Variants in ATAD2B observed in about 807,000 individuals in gnomAD.
The protein encoded by ATAD2B is ATPase family AAA domain containing 2B.
In ATAD2B, 40 loss-of-function variants were observed where a neutral mutation model predicts 167.6. The ratio of observed to expected loss-of-function variants is 0.24; its 90% CI spans 0.19 to 0.31. The LOEUF is 0.31. Ranked by LOEUF, ATAD2B falls within the 10% of genes least tolerant of loss-of-function variation. ATAD2B has a pLI of 1.00. For synonymous variants in ATAD2B, 579 were observed against 596.5 expected (o/e 0.97, Z 0.43); for missense variants, 1,242 against 1,757.2 (o/e 0.71, Z 5.24).
intron 18 of ATAD2B, among the ~76,000 whole-genome samples, chr2:23,798,646 C>T (rs2149462841): frequency 6.6e-6 from 1 of 151,992 alleles, no homozygotes; most frequent in Non-Finnish European, 1.5e-5. Flanking sequence ...AGCAAAACAC[C>T]ACTGTAAAAT....
At chr2:23,790,381 G>A (rs555073712) in intron 19 of ATAD2B, among the ~76,000 whole-genome samples, 45 of 152,258 alleles carry the variant, frequency 3.0e-4, no homozygotes, top group Admixed American at 1.4e-3. Flanking sequence ...TGAAAAATAA[G>A]TAGAACTTAA....
At position 23,911,772 on chromosome 2, in the gene ATAD2B, C is replaced by T. The variant is rs184747138; in HGVS notation, c.216+14783G>A. Among the ~76,000 whole-genome samples, 68 of 152,100 alleles carry T rather than the reference C, an allele frequency of 4.5e-4. No homozygotes were observed. In the Middle Eastern group the frequency reaches 0.02, roughly 46 times the overall value. On this transcript the variant is annotated intron_variant, in intron 1 of 27. Coordinates refer to ENST00000238789, the MANE Select transcript of ATAD2B (RefSeq NM_017552.4). ...GGTGGATCACCTGAAGTCAGGAGTT[C>T]GAGAGCAGCCTGGCCAACATGGTGA...
chr2:23,693,347 T>C, the ATAD2B span: 2 of 1,551,582 alleles, frequency 1.3e-6, no homozygotes, highest in South Asian at 1.2e-5. Flanking sequence ...CTCTACCACA[T>C]GGCCAAGGCC....
chr2:23,909,501 T>C (rs963757982), intron 1 of ATAD2B, among the ~76,000 whole-genome samples: 4 of 151,682 alleles, frequency 2.6e-5, no homozygotes, highest in Non-Finnish European at 4.4e-5. Context: ...TACATATATA[T>C]TATACATACA....
At position 23,752,799 on chromosome 2, in the gene ATAD2B, T is replaced by TAA. The variant is rs1332559601; in HGVS notation, c.4336-713_4336-712insTT. On this transcript the variant is annotated intron_variant, in intron 27 of 27. Transcript: ENST00000238789. ...CACTTCTATTCACTCCAACCAGAGC[T>TAA]GAAAAGACAGGGTTAAAAAAGAGCC... Among the ~76,000 whole-genome samples, 3 of 152,184 alleles carry TAA rather than the reference T, an allele frequency of 2.0e-5. No homozygotes were observed. In the East Asian group the frequency reaches 5.8e-4, roughly 29 times the overall value.
At chr2:23,717,025 A>G in the ATAD2B span, among the ~76,000 whole-genome samples, 1 of 152,246 alleles carries the variant, frequency 6.6e-6, no homozygotes, top group Admixed American at 6.5e-5. Flanking sequence ...GTGGCCACAC[A>G]GTGTTTTTAA....
intron 23 of ATAD2B, among the ~76,000 whole-genome samples, chr2:23,764,114 C>A (rs905842982): frequency 2.0e-5 from 3 of 152,104 alleles, no homozygotes; most frequent in African/African-American, 7.2e-5. Context: ...TGGGTAGATT[C>A]CTAAGAGTAG....
the ATAD2B span, among the ~76,000 whole-genome samples, chr2:23,726,322 T>C: frequency 1.3e-5 from 2 of 152,258 alleles, no homozygotes; most frequent in Non-Finnish European, 2.9e-5. Context: ...TAACTACTAA[T>C]AGCCTGCTGT....
chr2:23,757,978 G>T lies in ATAD2B; in HGVS notation c.3518C>A (p.Thr1173Lys). The T allele has an allele frequency of 6.2e-7, 1 of 1,613,252 alleles. No individual in the cohort carries two copies. Among genetic ancestry groups the T allele is most frequent in the Non-Finnish European group, 8.5e-7 (1 of 1,179,560 alleles). The change falls in exon 25 of 28, where the codon ACG (threonine) becomes AAG (lysine). Residue 1173 changes from threonine to lysine, a missense_variant. Physicochemically the swap from Thr to Lys is moderately conservative, Grantham distance 78 (BLOSUM62 -1). This residue lies in a region of ATAD2B where 282 missense variants were observed against 346.8 expected (regional missense o/e 0.81). Transcript: ENST00000238789. ...DTKFADYENH[T>K]EDRKLLENGE... ...ATTCTCTAATAATTTCCTGTCCTCCGTATGGTTCTCATAGTCTGCAAATTT... is the reference window on the plus strand; with the variant it reads ...ATTCTCTAATAATTTCCTGTCCTCCTTATGGTTCTCATAGTCTGCAAATTT...
intron 19 of ATAD2B, among the ~76,000 whole-genome samples, chr2:23,791,564 T>C (rs1361730692): frequency 6.6e-6 from 1 of 152,142 alleles, no homozygotes; most frequent in Non-Finnish European, 1.5e-5. Flanking sequence ...CATTCCTGAA[T>C]GACTGATAAT....
intron 8 of ATAD2B, among the ~76,000 whole-genome samples, chr2:23,871,894 T>C (rs1339810531): frequency 6.6e-6 from 1 of 152,186 alleles, no homozygotes; most frequent in South Asian, 2.1e-4. Context: ...TTCTTTTTTT[T>C]TGAGACAGAA....
chr2:23,703,878 C>T, the ATAD2B span: 75 of 1,532,542 alleles, frequency 4.9e-5, no homozygotes, highest in South Asian at 3.7e-4. Context: ...GAGGCTGCGG[C>T]GCCTTGACTA....
chr2:23,878,596 T>C (rs1697399342), intron 7 of ATAD2B, among the ~76,000 whole-genome samples: 1 of 150,558 alleles, frequency 6.6e-6, no homozygotes, highest in South Asian at 2.1e-4. Context: ...GAGGCGGAGC[T>C]TGCAGTAAGC....
chr2:23,794,809 A>C (rs1476818889), intron 19 of ATAD2B, among the ~76,000 whole-genome samples: 4 of 152,134 alleles, frequency 2.6e-5, no homozygotes, highest in Non-Finnish European at 5.9e-5. Context: ...TAGTTTTATT[A>C]TAAACCATAT....
At chr2:23,740,832 C>T in the ATAD2B span, among the ~76,000 whole-genome samples, 6 of 152,170 alleles carry the variant, frequency 3.9e-5, no homozygotes, top group Admixed American at 1.3e-4. Context: ...TCTCCTCAAG[C>T]TGATAAGCAA....
At chr2:23,904,833 T>C (rs1197764560) in intron 1 of ATAD2B, among the ~76,000 whole-genome samples, 1 of 152,162 alleles carries the variant, frequency 6.6e-6, no homozygotes, top group African/African-American at 2.4e-5. Flanking sequence ...TCAATTTCTT[T>C]TTCTTTCATT....
chr2:23,922,342 G>C (rs1704056897), intron 1 of ATAD2B, among the ~76,000 whole-genome samples: 1 of 151,884 alleles, frequency 6.6e-6, no homozygotes, highest in African/African-American at 2.4e-5. Flanking sequence ...CAGATTAACT[G>C]ATCTAAAAGG....
chr2:23,898,533 A>C (rs546087689), intron 1 of ATAD2B, among the ~76,000 whole-genome samples: 1 of 152,318 alleles, frequency 6.6e-6, no homozygotes, highest in East Asian at 1.9e-4. Context: ...CCTAAAATGT[A>C]TACAATGAAG....
At chr2:23,693,564 G>A in the ATAD2B span, 5 of 1,533,844 alleles carry the variant, frequency 3.3e-6, no homozygotes, top group Non-Finnish European at 4.4e-6. Context: ...CTTCTCTCTG[G>A]GTTTGGGGTC....
Sources: allele counts gnomAD v4.1 joint callset (sites outside exome capture counted in the v4.1 genomes callset), GRCh38; gene constraint gnomAD v4.1.1; regional missense constraint gnomAD v4.1.1; transcripts MANE v1.5; gene names NCBI Gene and HGNC (gene_info 2026-07-23, HGNC 2026-07-21).